F8: variants seen among roughly 807,000 people sequenced by gnomAD.
The protein encoded by F8 is coagulation factor VIII.
Under a neutral mutation model 140.6 loss-of-function variants are expected in F8, and 12 were observed. That is an observed-to-expected ratio of 0.09 (90% confidence interval 0.05 to 0.14). The LOEUF (loss-of-function observed/expected upper bound fraction) is 0.14, where lower values mean the gene tolerates loss of function less well. F8 is among the 10% of genes least tolerant of loss of function. F8 has a pLI of 1.00. For synonymous variants in F8, 585 were observed against 614.6 expected, an observed-to-expected ratio of 0.95 and a Z score of 0.71; for missense variants, 1,354 against 1,720.7, an observed-to-expected ratio of 0.79 and a Z score of 3.77.
intron 1 of F8, among the ~76,000 whole-genome samples, chrX:155,005,698 C>A (rs1180637799): frequency 2.7e-5 from 3 of 112,065 alleles, no homozygotes; most frequent in Non-Finnish European, 3.8e-5. Context: ...AGGACTAAAG[C>A]ACTTATTTCC....
chrX:154,899,956 GCC>G lies in F8; in HGVS notation c.6188-7_6188-6del. On this transcript the variant is annotated splice_polypyrimidine_tract_variant and splice_region_variant and intron_variant, in intron 20 of 25. Coordinates refer to ENST00000360256, the MANE Select transcript of F8 (RefSeq NM_000132.4). ...CCAGCTTTGGGGCCCACTGTCCTTT[GCC>G]CAAGTAAAGAAACAGAGATTAAATT... 8.3e-7 allele frequency: 1 copy of G among 1,206,011 alleles called. No individual in the cohort carries two copies. The highest frequency in any genetic ancestry group is 1.1e-6 in the Non-Finnish European group (1 of 890,647).
chrX:154,915,751 A>G (rs2073093070), intron 14 of F8, among the ~76,000 whole-genome samples: 1 of 112,114 alleles, frequency 8.9e-6, no homozygotes, highest in African/African-American at 3.2e-5. Context: ...ATATAACATT[A>G]TATCGTCTAC....
In F8 at chrX:154,930,320, A is replaced by G. The variant is rs1459832812; in HGVS notation, c.3470T>C (p.Val1157Ala). ...QLVSLGPEKS[V>A]EGQNFLSEKN... ...CTCAGACAAGAAATTCTGACCTTCC[A>G]CAGATTTTTCTGGTCCTAAGGATAC... The change falls in exon 14 of 26, where the codon GTG becomes GCG. Residue 1157 changes from valine (V) to alanine (A), a missense_variant. By Grantham distance (64) the Val-to-Ala change is moderately conservative. Transcript: ENST00000360256. 2.5e-6 allele frequency: 3 copies of G among 1,211,371 alleles called. No homozygotes were observed. Among genetic ancestry groups the G allele is most frequent in the Non-Finnish European group, 3.4e-6 (3 of 895,318 alleles).
chrX:154,932,687 T>C (rs1353269543), intron 13 of F8, among the ~76,000 whole-genome samples: 3 of 111,493 alleles, frequency 2.7e-5, no homozygotes, highest in Admixed American at 9.6e-5. Flanking sequence ...AGGAAGTGAT[T>C]ATGGAATGTT....
chrX:154,970,081 C>T (rs782739050), intron 6 of F8, among the ~76,000 whole-genome samples: 35 of 112,568 alleles, frequency 3.1e-4, no homozygotes, highest in Middle Eastern at 4.6e-3. Flanking sequence ...GAGAGTTATC[C>T]TTGTTACCAT....
At chrX:154,943,909 G>A (rs1270270921) in intron 13 of F8, among the ~76,000 whole-genome samples, 1 of 111,819 alleles carries the variant, frequency 8.9e-6, no homozygotes, top group Admixed American at 9.5e-5. Context: ...AGAAAAATAA[G>A]CAGTGGGGAA....
At chrX:154,990,250 T>G (rs1239065102) in intron 4 of F8, among the ~76,000 whole-genome samples, 1 of 112,186 alleles carries the variant, frequency 8.9e-6, no homozygotes, top group African/African-American at 3.2e-5. Context: ...TCTCTGATTT[T>G]CATCTCTCCT....
intron 1 of F8, among the ~76,000 whole-genome samples, chrX:155,014,642 TG>T (rs1456765882): frequency 8.9e-6 from 1 of 112,376 alleles, no homozygotes; most frequent in East Asian, 2.8e-4. Flanking sequence ...AACAAATGAT[TG>T]GAAAACGAAA....
At chrX:154,842,649 T>C (rs1450701392) in intron 25 of F8, among the ~76,000 whole-genome samples, 2 of 112,251 alleles carry the variant, frequency 1.8e-5, no homozygotes, top group Non-Finnish European at 3.8e-5. Context: ...TTCTTATTTA[T>C]ATCAACTTTA....
In F8 at chrX:154,949,788, A is replaced by G. The variant is rs10217963; in HGVS notation, c.1904-1881T>C. 9.7e-3 allele frequency among the ~76,000 whole-genome samples: 1,050 copies of G among 108,115 alleles called. 15 individuals carry two copies. The highest frequency in any genetic ancestry group is 0.034 in the African/African-American group (1,003 of 29,502). 93.9% of individuals were successfully genotyped at this position (108,115 alleles called of 115,157 possible). On this transcript the variant is annotated intron_variant, in intron 12 of 25. Transcript: ENST00000360256. Reference sequence around the variant, plus strand: ...CATTTCCTCTTCTTTTTTTTTTTCAAATGGAGTCTCGGTCTGTCTGCCAGT... The same window carrying G: ...CATTTCCTCTTCTTTTTTTTTTTCAGATGGAGTCTCGGTCTGTCTGCCAGT...
intron 14 of F8, among the ~76,000 whole-genome samples, chrX:154,914,303 A>C (rs1222351289): frequency 1.8e-5 from 2 of 112,792 alleles, no homozygotes; most frequent in African/African-American, 6.4e-5. Context: ...GCTGCTGCGA[A>C]GGTCTCTAAC....
intron 11 of F8, among the ~76,000 whole-genome samples, chrX:154,955,711 G>A (rs1557281140): frequency 9.0e-6 from 1 of 110,965 alleles, no homozygotes; most frequent in Admixed American, 9.6e-5. Flanking sequence ...GGGAGTGTAC[G>A]AATAGGGTGT....
chrX:154,996,877 G>T, intron 3 of F8, 96 bp downstream of exon 3: 1 of 923,669 alleles, frequency 1.1e-6, no homozygotes, highest in Non-Finnish European at 1.6e-6. Context: ...GTTCAGTTAG[G>T]ACCTTAAAAG....
Position 154,991,043 on chromosome X carries a change from A to G in F8, c.601+1893T>C, listed in dbSNP as rs5945269. ...AGAGAAAGTAATGTGCTTTTCCCCC[A>G]ATGTCTTAGATCTGTAGCTGTACTG... On this transcript the variant is annotated intron_variant, in intron 4 of 25. Transcript: ENST00000360256. 0.18 allele frequency among the ~76,000 whole-genome samples: 20,228 copies of G among 111,558 alleles called. 1,712 individuals are homozygous for G. Among genetic ancestry groups the G allele is most frequent in the African/African-American group, 0.32 (9,926 of 30,616 alleles).
rs782595951 is a variant in F8 at position 154,855,778 on chromosome X, T to C, written c.6900+4654A>G. Among the ~76,000 whole-genome samples the C allele has an allele frequency of 5.4e-5, 6 of 110,906 alleles. No individual in the cohort carries two copies. In the South Asian group the frequency reaches 1.5e-3, roughly 28 times the overall value. ...CCACCCTACCACCCCTCTTTGTTAT[T>C]AGATCTATAACTACACTCAAGTCCC... is the stretch of plus-strand genomic sequence containing the variant. On this transcript the variant is annotated intron_variant, in intron 25 of 25. Transcript: ENST00000360256.
intron 6 of F8, among the ~76,000 whole-genome samples, chrX:154,979,441 C>A (rs1419525972): frequency 9.0e-6 from 1 of 110,886 alleles, no homozygotes; most frequent in Non-Finnish European, 1.9e-5. Flanking sequence ...CCCTCAGGCT[C>A]CTTGGTGGTG....
chrX:154,966,602 A>G lies in F8; in HGVS notation c.1095T>C (p.Tyr365=). The G allele has an allele frequency of 1.7e-6, 2 of 1,210,984 alleles. No individual in the cohort carries two copies. Among genetic ancestry groups the G allele is most frequent in the Non-Finnish European group, 1.1e-6 (1 of 894,915 alleles). ...TTTCAGAATCAGTAAGATCATCATCATAGTCTTCCGCTTCTTCATTATTTT... is the reference window on the plus strand; with the variant it reads ...TTTCAGAATCAGTAAGATCATCATCGTAGTCTTCCGCTTCTTCATTATTTT... The part of the protein sequence containing the change: ...RMKNNEEAED[Y]DDDLTDSEMD... The change falls in exon 8 of 26, where the codon TAT becomes TAC. Residue 365 remains tyrosine, a synonymous_variant. Coordinates refer to ENST00000360256, the MANE Select transcript of F8 (RefSeq NM_000132.4).
intron 18 of F8, among the ~76,000 whole-genome samples, chrX:154,903,700 T>A (rs2123995767): frequency 8.9e-6 from 1 of 112,353 alleles, no homozygotes; most frequent in East Asian, 2.8e-4. Context: ...TCTGTTCTAT[T>A]TCCTTTTTAG....
At chrX:154,934,388 C>A (rs975181801) in intron 13 of F8, among the ~76,000 whole-genome samples, 2 of 111,576 alleles carry the variant, frequency 1.8e-5, no homozygotes, top group Non-Finnish European at 3.8e-5. Context: ...CTGTGCCTGG[C>A]CTTGTTTCTT....
Sources: gnomAD v4.1 joint callset for allele counts (sites outside exome capture counted in the v4.1 genomes callset) on GRCh38, gnomAD v4.1.1 for gene constraint, MANE v1.5 for transcripts, NCBI Gene and HGNC (gene_info 2026-07-23, HGNC 2026-07-21) for gene names.